The following SMPDL3A variants were observed in gnomAD, a reference collection of about 807,000 sequenced individuals.
SMPDL3A encodes sphingomyelin phosphodiesterase acid like 3A, also known as cyclic GMP-AMP phosphodiesterase SMPDL3A.
In SMPDL3A, 39 loss-of-function variants were observed where a neutral mutation model predicts 38.5. The ratio of observed to expected loss-of-function variants is 1.01; its 90% CI spans 0.78 to 1.32. The LOEUF is 1.32. Ranked by LOEUF, SMPDL3A falls within the 40% of genes most tolerant of loss-of-function variation. SMPDL3A has a pLI of 0.00. For synonymous variants in SMPDL3A, 180 were observed against 194.3 expected, an observed-to-expected ratio of 0.93 and a Z score of 0.61; for missense variants, 502 against 536.2, an observed-to-expected ratio of 0.94 and a Z score of 0.63.
rs992242937 is a variant in SMPDL3A, at chr6:122,789,528, G to A, written c.112+70G>A. On this transcript the variant is annotated intron_variant, in intron 1 of 7. Transcript: ENST00000368440. The stretch of plus-strand genomic sequence containing the variant: ...GGAGCGGCGGCGCCTGCGCACAGCA[G>A]GAGAAAGTGCGTGGGGGCAGCTGCC... 6 of 1,340,018 alleles carry A rather than the reference G, an allele frequency of 4.5e-6. No individual in the cohort carries two copies. In the African/African-American group the frequency reaches 7.4e-5, roughly 16 times the overall value. The allele number at this position is 1,340,018 out of a possible 1,614,324, so 83.0% of individuals were successfully genotyped here.
intron 4 of SMPDL3A, among the ~76,000 whole-genome samples, chr6:122,801,693 A>G (rs1237767761): frequency 6.6e-6 from 1 of 152,244 alleles, no homozygotes; most frequent in Non-Finnish European, 1.5e-5. Context: ...TGTAAATAAA[A>G]GTGTATGTTT....
intron 1 of SMPDL3A, 87 bp from the exon 2 acceptor site, chr6:122,795,590 A>G (rs1017946788): frequency 3.0e-6 from 3 of 991,102 alleles, no homozygotes; most frequent in Non-Finnish European, 3.0e-6. Flanking sequence ...GGGAGGAACA[A>G]CCGTCTCTAG....
chr6:122,803,942 A>T, intron 5 of SMPDL3A, 109 bp downstream of exon 5: 8 of 874,906 alleles, frequency 9.1e-6, no homozygotes, highest in East Asian at 5.4e-5. Context: ...TAATTTGAAG[A>T]TTTTTTTTGC....
chr6:122,789,447 C>T lies in SMPDL3A; in HGVS notation c.101C>T (p.Pro34Leu), dbSNP rs1325546651. 3 of 1,548,914 alleles carry T rather than the reference C, an allele frequency of 1.9e-6. No homozygotes were observed. The highest frequency in any genetic ancestry group is 2.0e-5 in the Admixed American group (1 of 50,960). Residue 34 changes from proline to leucine, a missense_variant, in exon 1 of 8, where the codon CCT (proline) becomes CTT (leucine). Pro to Leu is a moderately conservative substitution (Grantham distance 98). Coordinates refer to ENST00000368440, the MANE Select transcript of SMPDL3A (RefSeq NM_006714.5). Reference protein sequence around the residue: ...PVAPAGGRNPPPAIGQFWHVT... With the variant: ...PVAPAGGRNPLPAIGQFWHVT... ...GCGCCCGCAGGCGGCAGGAATCCTC[C>T]TCCGGCGATAGGTGAGTTGTCCGCG... is the stretch of plus-strand genomic sequence containing the variant.
At chr6:122,790,616 C>T (rs965751718) in intron 1 of SMPDL3A, among the ~76,000 whole-genome samples, 2 of 152,158 alleles carry the variant, frequency 1.3e-5, no homozygotes, top group East Asian at 3.9e-4. Context: ...ACTCAGCTGT[C>T]AGGTCTGAAG....
rs1210907548 is a variant in SMPDL3A at position 122,796,841 on chromosome 6, T to C, written c.344T>C (p.Val115Ala). 2 of 1,612,626 alleles carry C rather than the reference T, an allele frequency of 1.2e-6. No homozygotes were observed. The highest frequency in any genetic ancestry group is 1.7e-6 in the Non-Finnish European group (2 of 1,179,328). Residue 115 changes from valine (V) to alanine (A), a missense_variant, in exon 3 of 8, where the codon GTT becomes GCT. Transcript: ENST00000368440. The stretch of plus-strand genomic sequence containing the variant: ...TTTTTCAGGGATAGCCCACCTCATG[T>C]TCCTGTACCTGAACTCTCAACAGAC... ...MIWTGDSPPHVPVPELSTDTV... is the reference protein window; with the variant it reads ...MIWTGDSPPHAPVPELSTDTV...
rs1277601074 is a variant in SMPDL3A, at chr6:122,795,894, A to G, written c.326+4A>G. ...CATCTTTCATGATATGGACAGGGTA[A>G]GTGATTATACAAGTACCATTAATTA... is the stretch of plus-strand genomic sequence containing the variant. On this transcript the variant is annotated splice_donor_region_variant and intron_variant, in intron 2 of 7. Transcript: ENST00000368440. 1.0e-5 allele frequency: 16 copies of G among 1,588,634 alleles called. No individual in the cohort carries two copies. Among genetic ancestry groups the G allele is most frequent in the South Asian group, 5.5e-5 (5 of 90,508 alleles).
At chr6:122,804,546 C>T (rs968430562) in intron 5 of SMPDL3A, among the ~76,000 whole-genome samples, 4 of 150,946 alleles carry the variant, frequency 2.6e-5, no homozygotes, top group Non-Finnish European at 4.4e-5. Flanking sequence ...CTGGGGGGCT[C>T]GAACTCTGCT....
chr6:122,807,373 C>T (rs1362122070), intron 7 of SMPDL3A, among the ~76,000 whole-genome samples: 2 of 152,174 alleles, frequency 1.3e-5, no homozygotes, highest in South Asian at 2.1e-4. Context: ...GCGGCGGGTG[C>T]CTGTAGTCCC....
intron 3 of SMPDL3A, 140 bp downstream of exon 3, chr6:122,797,108 G>GA (rs1781274658): frequency 1.7e-6 from 1 of 596,398 alleles, no homozygotes; most frequent in East Asian, 2.9e-5. Context: ...TAACCATCAA[G>GA]AAAGGCAAAG....
chr6:122,804,531 G>A (rs975987609), intron 5 of SMPDL3A, among the ~76,000 whole-genome samples: 56 of 150,924 alleles, frequency 3.7e-4, no homozygotes, highest in African/African-American at 1.2e-3. Flanking sequence ...GGTTGGTCTC[G>A]AACTCTGGGG....
At chr6:122,801,501 T>A in intron 4 of SMPDL3A, 95 bp downstream of exon 4, 1 of 849,646 alleles carries the variant, frequency 1.2e-6, no homozygotes, top group Non-Finnish European at 2.0e-6. Context: ...GTGCCACTTC[T>A]GGAGCACAGC....
Position 122,806,901 on chromosome 6 carries a change from A to T in SMPDL3A, c.1044+544A>T, listed in dbSNP as rs369136883. Among the ~76,000 whole-genome samples, 25 of 152,304 alleles carry T rather than the reference A, an allele frequency of 1.6e-4. No individual in the cohort carries two copies. The South Asian group carries it at 5.2e-3, about 32-fold the overall frequency. On this transcript the variant is annotated intron_variant, in intron 7 of 7. Transcript: ENST00000368440. ...AATGCTTAATAAATGTTAACAAACA[A>T]GATTTTATTTTCAAGTTCTTGTTCT...
intron 1 of SMPDL3A, 80 bp from the exon 2 acceptor site, chr6:122,795,597 C>G (rs990050690): frequency 9.4e-7 from 1 of 1,068,870 alleles, no homozygotes; most frequent in African/African-American, 1.6e-5. Context: ...ACAACCGTCT[C>G]TAGTCTTAAT....
At chr6:122,797,096 C>A in intron 3 of SMPDL3A, 128 bp downstream of exon 3, 1 of 676,298 alleles carries the variant, frequency 1.5e-6, no homozygotes. Context: ...TGGTCTTAAT[C>A]CTAACCATCA....
intron 1 of SMPDL3A, among the ~76,000 whole-genome samples, chr6:122,793,230 C>T (rs893702546): frequency 6.6e-6 from 1 of 152,102 alleles, no homozygotes; most frequent in Non-Finnish European, 1.5e-5. Context: ...TAACATTGAG[C>T]TTACTTGGTT....
chr6:122,800,607 CCTATGCCT>C (rs1206286975), intron 3 of SMPDL3A, among the ~76,000 whole-genome samples: 3 of 152,302 alleles, frequency 2.0e-5, no homozygotes, highest in African/African-American at 7.2e-5. Flanking sequence ...TGTGCCTATG[CCTATGCCT>C]ATGTTTGTAT....
intron 1 of SMPDL3A, among the ~76,000 whole-genome samples, chr6:122,791,266 C>G (rs184576517): frequency 9.2e-5 from 14 of 152,278 alleles, no homozygotes; most frequent in Middle Eastern, 3.4e-3. Flanking sequence ...GTGTTTTTGG[C>G]TACAGTTCTT....
chr6:122,804,537 T>TG (rs1026159618), intron 5 of SMPDL3A, among the ~76,000 whole-genome samples: 2 of 151,662 alleles, frequency 1.3e-5, no homozygotes, highest in African/African-American at 4.8e-5. Flanking sequence ...TCTCGAACTC[T>TG]GGGGGGCTCG....
Sources: allele counts gnomAD v4.1 joint callset (sites outside exome capture counted in the v4.1 genomes callset), GRCh38; gene constraint gnomAD v4.1.1; transcripts MANE v1.5; gene names NCBI Gene and HGNC (gene_info 2026-07-23, HGNC 2026-07-21).